The following LPCAT1 variants were observed in gnomAD, a reference collection of about 807,000 sequenced individuals.
LPCAT1 encodes 1-acylglycerol-3-phosphate O-acyltransferase.
A neutral mutation model predicts 60.9 loss-of-function variants in LPCAT1; 23 were observed. The observed-to-expected ratio is 0.38, with a 90% CI of 0.27 to 0.53. LPCAT1 has a LOEUF of 0.53. Ranked by LOEUF, LPCAT1 falls within the 20% of genes least tolerant of loss-of-function variation. LPCAT1 has a pLI of 0.82. For missense variants in LPCAT1, 622 were observed against 723.6 expected, an observed-to-expected ratio of 0.86 and a Z score of 1.61; for synonymous variants, 340 against 301.1, an observed-to-expected ratio of 1.13 and a Z score of -1.34.
chr5:1,469,141 A>G (rs1734565877), intron 12 of LPCAT1, among the ~76,000 whole-genome samples: 1 of 152,170 alleles, frequency 6.6e-6, no homozygotes, highest in Non-Finnish European at 1.5e-5. Flanking sequence ...ACGCAGCCAT[A>G]TCAGCGGCCT....
Position 1,468,131 on chromosome 5 carries a change from GTTC to G in LPCAT1, c.1279-1244_1279-1242del, listed in dbSNP as rs1381650212. ...TTCCGGCCTGGCAAGCTGTCCCCGCGTTCACACCCTCTTCCCGGGGCTCTGCCT... is the reference window on the plus strand; with the variant it reads ...TTCCGGCCTGGCAAGCTGTCCCCGCGACACCCTCTTCCCGGGGCTCTGCCT... On this transcript the variant is annotated intron_variant, in intron 12 of 13. Transcript: ENST00000283415. Among the ~76,000 whole-genome samples, 48 of 152,172 alleles carry G rather than the reference GTTC, an allele frequency of 3.2e-4. 1 individual carries two copies. The highest frequency in any genetic ancestry group is 2.9e-3 in the Admixed American group (44 of 15,302).
rs769123691 is a variant in LPCAT1, at chr5:1,501,618, G to A, written c.136-15C>T. The A allele has an allele frequency of 2.5e-6, 4 of 1,613,360 alleles. No individual in the cohort carries two copies. The highest frequency in any genetic ancestry group is 2.5e-6 in the Non-Finnish European group (3 of 1,179,536). On this transcript the variant is annotated splice_polypyrimidine_tract_variant and intron_variant, in intron 1 of 13. Coordinates refer to ENST00000283415, the MANE Select transcript of LPCAT1 (RefSeq NM_024830.5). The stretch of plus-strand genomic sequence containing the variant: ...ATGAGGGCCACCTGCAGACAGAGGG[G>A]GGCATTATCCAGAGAATCCATGTAG...
chr5:1,467,173 AC>A (rs1244457799), intron 12 of LPCAT1: 2 of 347,404 alleles, frequency 5.8e-6, no homozygotes, highest in Non-Finnish European at 1.0e-5. Flanking sequence ...CAGCAAACCA[AC>A]CAGCACCTGT....
At chr5:1,485,797 T>A (rs1735349930) in intron 5 of LPCAT1, among the ~76,000 whole-genome samples, 2 of 151,538 alleles carry the variant, frequency 1.3e-5, no homozygotes, top group South Asian at 4.2e-4. Context: ...CCATGTCTGC[T>A]CACAGCCCGT....
At position 1,473,982 on chromosome 5, in the gene LPCAT1, T is replaced by C; in HGVS notation, c.1154A>G (p.Glu385Gly). The C allele has an allele frequency of 1.2e-6, 2 of 1,614,160 alleles. No individual in the cohort carries two copies. The highest frequency in any genetic ancestry group is 1.7e-6 in the Non-Finnish European group (2 of 1,180,026). ...CTCGTCGAACAGTGAAAACATGTCT[T>C]CCAGCAAGTCAGAAACGGGGACTTC... ...SLEVPVSDLLEDMFSLFDESG... is the reference protein window; with the variant it reads ...SLEVPVSDLLGDMFSLFDESG... Residue 385 changes from glutamate to glycine, a missense_variant, in exon 11 of 14, where the codon GAA becomes GGA. By Grantham distance (98) the Glu-to-Gly change is moderately conservative. Around this residue, in one of 3 missense-constraint regions of LPCAT1, gnomAD observed 288 missense variants for 283.6 expected, o/e 1.02. Coordinates refer to ENST00000283415, the MANE Select transcript of LPCAT1 (RefSeq NM_024830.5).
At chr5:1,471,233 C>T (rs957068479) in intron 11 of LPCAT1, among the ~76,000 whole-genome samples, 1 of 152,190 alleles carries the variant, frequency 6.6e-6, no homozygotes, top group African/African-American at 2.4e-5. Context: ...TTTGAGAATA[C>T]CCCCTAAGCA....
Position 1,523,814 on chromosome 5 carries a change from C to T in LPCAT1, c.31G>A (p.Ala11Thr). 2 of 1,092,122 alleles carry T rather than the reference C, an allele frequency of 1.8e-6. No homozygotes were observed. The highest frequency in any genetic ancestry group is 1.1e-6 in the Non-Finnish European group (1 of 899,058). The allele number at this position is 1,092,122 out of a possible 1,614,324, so 67.7% of individuals were successfully genotyped here. A position where few individuals can be genotyped will look rare whatever the true frequency, so the allele number is the denominator to read the frequency against. The part of the protein sequence containing the change: MRLRGCGPRA[A>T]PASSAGASDA... ...CTGGCCCCTGCGCTGGAGGCAGGGG[C>T]GGCCCGGGGTCCGCATCCCCGCAGC... is the stretch of plus-strand genomic sequence containing the variant. Residue 11 changes from alanine to threonine, a missense_variant, in exon 1 of 14, where the codon GCC (alanine) becomes ACC (threonine). Transcript: ENST00000283415. This position sits in a 1 kb window ranked among gnomAD's most constrained non-coding sequence, Gnocchi z 7.1.
chr5:1,468,629 T>C (rs1378053223), intron 12 of LPCAT1, among the ~76,000 whole-genome samples: 2 of 152,246 alleles, frequency 1.3e-5, no homozygotes, highest in Non-Finnish European at 1.5e-5. Context: ...GTCCACTCTC[T>C]GAGCCGCTGG....
At chr5:1,489,549 TCTTTA>T (rs1380785443) in intron 4 of LPCAT1, among the ~76,000 whole-genome samples, 192 bp downstream of exon 4, 1 of 152,228 alleles carries the variant, frequency 6.6e-6, no homozygotes, top group Non-Finnish European at 1.5e-5. Context: ...GAATTGTTTT[TCTTTA>T]CTTTAACTTT....
Position 1,476,713 on chromosome 5 carries a change from G to C in LPCAT1, c.899+691C>G. Among the ~76,000 whole-genome samples the C allele has an allele frequency of 6.6e-6, 1 of 152,226 alleles. No homozygotes were observed. Among genetic ancestry groups the C allele is most frequent in the South Asian group, 2.1e-4 (1 of 4,814 alleles). On this transcript the variant is annotated intron_variant, in intron 9 of 13. Transcript: ENST00000283415. The surrounding 1 kb of genome is among the most constrained non-coding windows in gnomAD (Gnocchi z 8.6). ...GAGGAAGCACTAGGGAGGCATTCAC[G>C]TGGGGGTAAATCCAGGTGGGAGGAC...
intron 12 of LPCAT1, chr5:1,467,466 T>G (rs1734466650): frequency 6.6e-6 from 1 of 152,224 alleles, no homozygotes; most frequent in South Asian, 2.1e-4. Flanking sequence ...AGGTGACGCC[T>G]CCTCTCTTCC....
At chr5:1,470,777 ACTGCACCGCC>A in intron 12 of LPCAT1, 39 bp downstream of exon 12, 1 of 1,414,726 alleles carries the variant, frequency 7.1e-7, no homozygotes, top group Non-Finnish European at 9.9e-7. Context: ...TGCTGACGTG[ACTGCACCGCC>A]CTGTCCCCCA....
rs545411507 is a variant in LPCAT1 at position 1,474,615 on chromosome 5, G to A, written c.970C>T (p.Arg324Cys). The A allele has an allele frequency of 3.7e-5, 60 of 1,614,008 alleles. No individual in the cohort carries two copies. Among genetic ancestry groups the A allele is most frequent in the Non-Finnish European group, 3.8e-5 (45 of 1,180,006 alleles). The change falls in exon 10 of 14, where the codon CGT (arginine) becomes TGT (cysteine). Residue 324 changes from arginine (R) to cysteine (C), a missense_variant. By Grantham distance (180) the Arg-to-Cys change is radical. Transcript: ENST00000283415. Reference protein sequence around the residue: ...CQLALAEGQLRLPADTCLLEF... With the variant: ...CQLALAEGQLCLPADTCLLEF... ...AAAAGGCAAGTGTCAGCGGGGAGAC[G>A]GAGCTGTCCTTCCGCCAGGGCCAGC...
intron 1 of LPCAT1, among the ~76,000 whole-genome samples, chr5:1,505,604 G>A (rs1339028435): frequency 6.6e-6 from 1 of 152,250 alleles, no homozygotes; most frequent in Non-Finnish European, 1.5e-5. Flanking sequence ...CATGGGGTTC[G>A]CTGGGCCAGC....
chr5:1,492,041 A>G (rs1452996182), intron 3 of LPCAT1, among the ~76,000 whole-genome samples: 1 of 139,582 alleles, frequency 7.2e-6, no homozygotes, highest in African/African-American at 2.7e-5. Flanking sequence ...CTGAGCTGGA[A>G]ACCAGGGAGA....
At chr5:1,472,705 A>T (rs1363356336) in intron 11 of LPCAT1, among the ~76,000 whole-genome samples, 1 of 151,636 alleles carries the variant, frequency 6.6e-6, no homozygotes, top group African/African-American at 2.4e-5. Flanking sequence ...CCTGAGTGCA[A>T]ACGCAGCTGC....
intron 1 of LPCAT1, among the ~76,000 whole-genome samples, chr5:1,519,238 T>C: frequency 6.6e-6 from 1 of 152,390 alleles, no homozygotes; most frequent in East Asian, 1.9e-4. Context: ...CGTGAGCTTC[T>C]GTGTGTATGT....
chr5:1,506,512 T>A (rs1237618018), intron 1 of LPCAT1, among the ~76,000 whole-genome samples: 1 of 152,176 alleles, frequency 6.6e-6, no homozygotes, highest in African/African-American at 2.4e-5. Flanking sequence ...CACGCCCTGG[T>A]GCAGATGGGT....
intron 13 of LPCAT1, among the ~76,000 whole-genome samples, chr5:1,466,177 C>A (rs1024048295): frequency 2.0e-5 from 3 of 152,194 alleles, no homozygotes; most frequent in Admixed American, 2.0e-4. Context: ...CTCGGGTTTG[C>A]GGATTTTGCA....
Sources: allele counts gnomAD v4.1 joint callset (sites outside exome capture counted in the v4.1 genomes callset), GRCh38; gene constraint gnomAD v4.1.1; regional missense constraint gnomAD v4.1.1; non-coding constraint Gnocchi (gnomAD v3.1); transcripts MANE v1.5; gene names NCBI Gene and HGNC (gene_info 2026-07-23, HGNC 2026-07-21).